CNTN4: variants seen among roughly 807,000 people sequenced by gnomAD.
CNTN4 encodes the protein contactin-4.
Under a neutral mutation model 122.5 loss-of-function variants are expected in CNTN4, and 77 were observed. The observed-to-expected ratio is 0.63, with a 90% CI of 0.52 to 0.76. The LOEUF (loss-of-function observed/expected upper bound fraction) is 0.76, where lower values mean the gene tolerates loss of function less well. Ranked by LOEUF, CNTN4 falls within the 30% of genes least tolerant of loss-of-function variation. CNTN4 has a pLI of 0.00. For synonymous variants in CNTN4, 512 were observed against 447.0 expected, an observed-to-expected ratio of 1.15 and a Z score of -1.83; for missense variants, 1,256 against 1,259.1, an observed-to-expected ratio of 1.00 and a Z score of 0.04.
At chr3:2,958,066 G>C (rs1375495613) in intron 13 of CNTN4, among the ~76,000 whole-genome samples, 2 of 152,046 alleles carry the variant, frequency 1.3e-5, no homozygotes, top group Admixed American at 6.6e-5. Context: ...CTGATGGGAG[G>C]CTGTTGCATT....
intron 2 of CNTN4, among the ~76,000 whole-genome samples, chr3:2,131,670 A>G (rs1337475480): frequency 2.0e-5 from 3 of 152,214 alleles, no homozygotes; most frequent in African/African-American, 7.2e-5. Flanking sequence ...TGTATGGATG[A>G]TTAATTAATT....
At chr3:2,634,704 ATG>A (rs61030696) in intron 4 of CNTN4, among the ~76,000 whole-genome samples, 7,434 of 147,612 alleles carry the variant, frequency 0.05, 539 homozygotes, top group African/African-American at 0.15. Flanking sequence ...ATATATATAT[ATG>A]TTAGCTGGGC....
At chr3:2,169,458 G>C (rs2036347624) in intron 2 of CNTN4, among the ~76,000 whole-genome samples, 2 of 152,028 alleles carry the variant, frequency 1.3e-5, no homozygotes, top group Admixed American at 1.3e-4. Flanking sequence ...TCAGGCTGGA[G>C]TGCGGTGGCG....
chr3:2,634,763 G>T (rs1254035970), intron 4 of CNTN4, among the ~76,000 whole-genome samples: 1 of 151,704 alleles, frequency 6.6e-6, no homozygotes, highest in East Asian at 1.9e-4. Context: ...GGCTGAGGCA[G>T]GAGAATCGCT....
chr3:3,043,302 G>C, intron 22 of CNTN4, 139 bp downstream of exon 22: 1 of 890,296 alleles, frequency 1.1e-6, no homozygotes, highest in Non-Finnish European at 1.8e-6. Context: ...CATTTTAACT[G>C]AACCTTTCCG....
intron 3 of CNTN4, among the ~76,000 whole-genome samples, chr3:2,561,810 C>T (rs1014193037): frequency 6.6e-6 from 1 of 152,096 alleles, no homozygotes; most frequent in Non-Finnish European, 1.5e-5. Flanking sequence ...CATAGGGAAG[C>T]AAAGGAATTT....
chr3:3,031,480 C>T (rs941558821), intron 16 of CNTN4, among the ~76,000 whole-genome samples: 2 of 152,054 alleles, frequency 1.3e-5, no homozygotes, highest in Non-Finnish European at 2.9e-5. Flanking sequence ...CACTTCCTGA[C>T]TGCCTGGGAT....
intron 3 of CNTN4, among the ~76,000 whole-genome samples, chr3:2,525,247 C>T (rs918223671): frequency 1.3e-5 from 2 of 152,080 alleles, no homozygotes; most frequent in Non-Finnish European, 2.9e-5. Flanking sequence ...TCTATGGGGA[C>T]TGCCTTTTCT....
chr3:2,582,400 C>T (rs1039163274), intron 4 of CNTN4, among the ~76,000 whole-genome samples: 1 of 152,102 alleles, frequency 6.6e-6, no homozygotes, highest in African/African-American at 2.4e-5. Context: ...AAACTGTAAT[C>T]CCAATCTGTC....
At chr3:2,730,656 G>A (rs1254905337) in intron 4 of CNTN4, among the ~76,000 whole-genome samples, 5 of 152,112 alleles carry the variant, frequency 3.3e-5, no homozygotes, top group South Asian at 2.1e-4. Context: ...TGCTTTATGC[G>A]TGTTATCTTT....
chr3:2,239,619 T>C (rs2039851253), intron 2 of CNTN4, among the ~76,000 whole-genome samples: 1 of 152,200 alleles, frequency 6.6e-6, no homozygotes, highest in South Asian at 2.1e-4. Context: ...CTTAGGTTCC[T>C]TTTATTTCGT....
At chr3:2,464,636 A>G (rs1473674943) in intron 3 of CNTN4, among the ~76,000 whole-genome samples, 2 of 152,220 alleles carry the variant, frequency 1.3e-5, no homozygotes, top group Non-Finnish European at 2.9e-5. Context: ...TTGGGATTTT[A>G]CATTCTTCCC....
At chr3:3,038,886 T>A in intron 18 of CNTN4, 47 bp from the exon 19 acceptor site, 1 of 1,557,762 alleles carries the variant, frequency 6.4e-7, no homozygotes, top group Non-Finnish European at 8.9e-7. Flanking sequence ...CTGGCCCTCA[T>A]TCGCCTTTGC....
intron 2 of CNTN4, among the ~76,000 whole-genome samples, chr3:2,193,689 T>C (rs1489116791): frequency 6.6e-6 from 1 of 152,204 alleles, no homozygotes; most frequent in Non-Finnish European, 1.5e-5. Context: ...CACATATGCA[T>C]GACTATGGCC....
intron 6 of CNTN4, among the ~76,000 whole-genome samples, chr3:2,755,193 C>T (rs1033292757): frequency 9.9e-5 from 15 of 152,198 alleles, no homozygotes; most frequent in African/African-American, 3.1e-4. Context: ...AATGTGCAGT[C>T]GATCAGAACA....
intron 2 of CNTN4, among the ~76,000 whole-genome samples, chr3:2,107,386 G>A (rs2032536805): frequency 6.6e-6 from 1 of 152,118 alleles, no homozygotes; most frequent in African/African-American, 2.4e-5. Flanking sequence ...AAATCATGGT[G>A]GAAGGGGAGA....
At chr3:2,139,463 T>C (rs2034880574) in intron 2 of CNTN4, among the ~76,000 whole-genome samples, 1 of 152,214 alleles carries the variant, frequency 6.6e-6, no homozygotes, top group African/African-American at 2.4e-5. Flanking sequence ...CCCATCCACA[T>C]TGATTTTCAT....
At chr3:2,326,221 C>T (rs1273856732) in intron 2 of CNTN4, among the ~76,000 whole-genome samples, 1 of 152,156 alleles carries the variant, frequency 6.6e-6, no homozygotes, top group African/African-American at 2.4e-5. Context: ...GAGAATTTCC[C>T]TGTCCCTACT....
intron 13 of CNTN4, among the ~76,000 whole-genome samples, chr3:2,952,821 T>C (rs992391541): frequency 1.3e-5 from 2 of 152,166 alleles, no homozygotes; most frequent in African/African-American, 4.8e-5. Context: ...ATACCAACTA[T>C]GGGAATTACC....
Sources: gnomAD v4.1 joint callset for allele counts (sites outside exome capture counted in the v4.1 genomes callset) on GRCh38, gnomAD v4.1.1 for gene constraint, MANE v1.5 for transcripts, NCBI Gene and HGNC (gene_info 2026-07-23, HGNC 2026-07-21) for gene names.